Variants in GALM observed in about 807,000 individuals in gnomAD.
The protein encoded by GALM is aldose 1-epimerase.
GALM carries 43 observed loss-of-function variants against 37.4 expected under a neutral mutation model. That is an observed-to-expected ratio of 1.15 (90% CI 0.90 to 1.48). The LOEUF (loss-of-function observed/expected upper bound fraction) is 1.48. Ranked by LOEUF, GALM falls within the 40% of genes most tolerant of loss-of-function variation. GALM has a pLI of 0.00. For synonymous variants in GALM, 199 were observed against 170.6 expected, an observed-to-expected ratio of 1.17 and a Z score of -1.30; for missense variants, 456 against 419.1, an observed-to-expected ratio of 1.09 and a Z score of -0.77.
chr2:38,698,102 G>A (rs918011680), intron 4 of GALM, among the ~76,000 whole-genome samples: 12 of 151,868 alleles, frequency 7.9e-5, no homozygotes, highest in South Asian at 4.2e-4. Flanking sequence ...CACCACCACG[G>A]CCAGCTAATT....
chr2:38,695,921 A>T (rs970789733), intron 4 of GALM, among the ~76,000 whole-genome samples: 3 of 150,076 alleles, frequency 2.0e-5, no homozygotes, highest in African/African-American at 4.9e-5. Flanking sequence ...CTGATCTTGA[A>T]CTCCTGACCT....
At chr2:38,706,154 G>A (rs532871260) in intron 4 of GALM, among the ~76,000 whole-genome samples, 2 of 151,926 alleles carry the variant, frequency 1.3e-5, no homozygotes, top group Non-Finnish European at 2.9e-5. Flanking sequence ...ACACGTGCCC[G>A]CCACCCTGCC....
chr2:38,666,363 T>G lies in GALM; in HGVS notation c.190+12T>G, dbSNP rs1558573573. 1 of 1,601,764 alleles carries G rather than the reference T, an allele frequency of 6.2e-7. No homozygotes were observed. The highest frequency in any genetic ancestry group is 8.5e-7 in the Non-Finnish European group (1 of 1,172,378). On this transcript the variant is annotated intron_variant, in intron 1 of 6. Transcript: ENST00000272252. ...CGCCGAGTTGGAAGGTGGGTTGAAC[T>G]GTGCCCTGGGCTGCGAGCAGGCCCC... is the stretch of plus-strand genomic sequence containing the variant.
intron 2 of GALM, among the ~76,000 whole-genome samples, chr2:38,679,100 C>T (rs1665331390): frequency 6.6e-6 from 1 of 152,168 alleles, no homozygotes; most frequent in South Asian, 2.1e-4. Flanking sequence ...GGTTCTCCTG[C>T]CTCAACCTCC....
intron 4 of GALM, among the ~76,000 whole-genome samples, chr2:38,722,090 CGGCTCA>C (rs1666393140): frequency 8.1e-6 from 1 of 123,288 alleles, no homozygotes; most frequent in Non-Finnish European, 1.6e-5. Context: ...CCGGGTGAGG[CGGCTCA>C]TGCCTGTAAT....
At position 38,704,300 on chromosome 2, in the gene GALM, G is replaced by A. The variant is rs1025436253; in HGVS notation, c.634+14406G>A. ...TGCAGCCTTGGCCTCCTGGGCTCAC[G>A]CGGTCATCCCACCTCAGCCTCCTGC... On this transcript the variant is annotated intron_variant, in intron 4 of 6. Transcript: ENST00000272252. 5.9e-5 allele frequency among the ~76,000 whole-genome samples: 9 copies of A among 151,960 alleles called. No homozygotes were observed. The South Asian group carries it at 1.5e-3, about 25-fold the overall frequency.
chr2:38,673,757 T>C (rs1159987693), intron 1 of GALM, among the ~76,000 whole-genome samples: 1 of 149,190 alleles, frequency 6.7e-6, no homozygotes, highest in Non-Finnish European at 1.5e-5. Flanking sequence ...TTACAGTGAG[T>C]TGAGATCGTG....
At chr2:38,730,847 G>A (rs561997447) in intron 5 of GALM, among the ~76,000 whole-genome samples, 1 of 152,004 alleles carries the variant, frequency 6.6e-6, no homozygotes, top group African/African-American at 2.4e-5. Context: ...CTTGAACCCA[G>A]GGGGTGGAAG....
intron 4 of GALM, among the ~76,000 whole-genome samples, chr2:38,705,830 G>A (rs1245291265): frequency 6.6e-6 from 1 of 152,078 alleles, no homozygotes; most frequent in Admixed American, 6.6e-5. Flanking sequence ...ATGCCGATGA[G>A]CTGGGATTTT....
intron 2 of GALM, 100 bp downstream of exon 2, chr2:38,676,166 A>G: frequency 8.2e-7 from 1 of 1,217,842 alleles, no homozygotes; most frequent in Non-Finnish European, 1.2e-6. Context: ...ATGAGTGGTG[A>G]GATGCAGGAA....
At chr2:38,703,847 T>G (rs1369334346) in intron 4 of GALM, among the ~76,000 whole-genome samples, 4 of 151,868 alleles carry the variant, frequency 2.6e-5, no homozygotes, top group Non-Finnish European at 5.9e-5. Context: ...ACCCCCTCTC[T>G]GTGAAAATAC....
chr2:38,689,056 G>A (rs1396801661), intron 3 of GALM, among the ~76,000 whole-genome samples: 2 of 152,186 alleles, frequency 1.3e-5, no homozygotes, highest in African/African-American at 2.4e-5. Context: ...CTGACCTCAG[G>A]TGATCCGCCT....
intron 4 of GALM, among the ~76,000 whole-genome samples, chr2:38,699,166 G>A (rs1255686525): frequency 4.6e-5 from 7 of 152,076 alleles, no homozygotes; most frequent in Admixed American, 2.6e-4. Flanking sequence ...TGCCCACCTC[G>A]GCCTCTCAAA....
At chr2:38,686,411 G>A (rs895819543) in intron 3 of GALM, among the ~76,000 whole-genome samples, 55 of 151,502 alleles carry the variant, frequency 3.6e-4, no homozygotes, top group African/African-American at 1.2e-3. Flanking sequence ...GACTACAGGC[G>A]CCCACCACCA....
At chr2:38,730,453 G>C (rs1666581020) in intron 5 of GALM, among the ~76,000 whole-genome samples, 1 of 152,090 alleles carries the variant, frequency 6.6e-6, no homozygotes, top group African/African-American at 2.4e-5. Context: ...TTTTAGTAGA[G>C]ATGGGGTTTC....
At chr2:38,733,354 C>T (rs1666644469) in intron 6 of GALM, 134 bp from the exon 7 acceptor site, 2 of 766,348 alleles carry the variant, frequency 2.6e-6, no homozygotes, top group Non-Finnish European at 4.7e-6. Context: ...TCACTATGAA[C>T]CAATCATAAA....
chr2:38,696,742 G>T (rs1665814224), intron 4 of GALM, among the ~76,000 whole-genome samples: 2 of 144,450 alleles, frequency 1.4e-5, no homozygotes, highest in Admixed American at 1.4e-4. Flanking sequence ...AAAGTGCTAG[G>T]ATTACAGGCG....
chr2:38,675,534 TTTTTTTTTTTGTGTGTG>T (rs1439241960), intron 1 of GALM, among the ~76,000 whole-genome samples: 27 of 95,202 alleles, frequency 2.8e-4, no homozygotes, highest in African/African-American at 1.1e-3. Flanking sequence ...TTGTTTTTTT[TTTTTTTTTTTGTGTGTG>T]TGTGTGTGTG....
At chr2:38,728,019 A>C (rs753731293) in intron 4 of GALM, among the ~76,000 whole-genome samples, 1 of 152,244 alleles carries the variant, frequency 6.6e-6, no homozygotes, top group East Asian at 1.9e-4. Context: ...GGGAAAAATA[A>C]TTATCACCCT....
Sources: allele counts gnomAD v4.1 joint callset (sites outside exome capture counted in the v4.1 genomes callset), GRCh38; gene constraint gnomAD v4.1.1; transcripts MANE v1.5; gene names NCBI Gene and HGNC (gene_info 2026-07-23, HGNC 2026-07-21).